The following LARGE1 variants were observed in gnomAD, a reference collection of about 807,000 sequenced individuals.
LARGE1 encodes LARGE xylosyl- and glucuronyltransferase 1.
A neutral mutation model predicts 87.6 loss-of-function variants in LARGE1; 43 were observed. That is an observed-to-expected ratio of 0.49 (90% CI 0.38 to 0.63). The LOEUF (loss-of-function observed/expected upper bound fraction) is 0.63, where lower values mean the gene tolerates loss of function less well. LARGE1 is among the 30% of genes least tolerant of loss of function. The pLI is 0.00. For missense variants in LARGE1, 802 were observed against 1,000.2 expected (o/e 0.80, Z 2.67); for synonymous variants, 434 against 394.6 (o/e 1.10, Z -1.18).
At chr22:33,084,335 A>T in the LARGE1 span, among the ~76,000 whole-genome samples, 1 of 152,034 alleles carries the variant, frequency 6.6e-6, no homozygotes, top group African/African-American at 2.4e-5. Context: ...GGTCTTATTG[A>T]TGTCTATACC....
chr22:33,785,030 T>C (rs571896229), intron 1 of LARGE1, among the ~76,000 whole-genome samples: 3 of 150,110 alleles, frequency 2.0e-5, no homozygotes, highest in Non-Finnish European at 3.0e-5. Flanking sequence ...CATATGTGTA[T>C]ATACATATAT....
At chr22:33,161,176 C>T (rs1166499244), downstream of LARGE1, among the ~76,000 whole-genome samples, 1 of 152,148 alleles carries the variant, frequency 6.6e-6, no homozygotes, top group Non-Finnish European at 1.5e-5. Flanking sequence ...TGTGAGAACT[C>T]ACTCACTACC....
chr22:33,248,260 T>A (rs1926858616), intron 11 of LARGE1, among the ~76,000 whole-genome samples: 1 of 152,212 alleles, frequency 6.6e-6, no homozygotes, highest in African/African-American at 2.4e-5. Context: ...TGTTCTCGGC[T>A]CACTGCAACC....
intron 12 of LARGE1, among the ~76,000 whole-genome samples, chr22:33,296,725 C>T (rs368936222): frequency 2.0e-5 from 3 of 152,064 alleles, no homozygotes; most frequent in African/African-American, 4.8e-5. Flanking sequence ...TGCACCACCA[C>T]GTCCAACTAA....
intron 7 of LARGE1, among the ~76,000 whole-genome samples, chr22:33,427,609 G>A (rs2066923356): frequency 6.6e-6 from 1 of 152,272 alleles, no homozygotes; most frequent in Non-Finnish European, 1.5e-5. Flanking sequence ...ATGAATGAAT[G>A]TGTAGTGAAG....
intron 1 of LARGE1, among the ~76,000 whole-genome samples, chr22:33,810,124 T>C (rs1476150645): frequency 2.0e-5 from 3 of 152,182 alleles, no homozygotes; most frequent in Non-Finnish European, 2.9e-5. Flanking sequence ...CTAACATTTA[T>C]TATGACAAAA....
intron 12 of LARGE1, among the ~76,000 whole-genome samples, chr22:33,289,439 T>A (rs1219216723): frequency 6.6e-6 from 1 of 152,130 alleles, no homozygotes; most frequent in Non-Finnish European, 1.5e-5. Flanking sequence ...CCATCTTAAA[T>A]GGAGATAATA....
At chr22:33,111,314 C>T in the LARGE1 span, among the ~76,000 whole-genome samples, 5 of 152,148 alleles carry the variant, frequency 3.3e-5, no homozygotes, top group African/African-American at 9.7e-5. Context: ...CCTTGTGAGA[C>T]TCTGACTCCG....
In LARGE1 at chr22:33,598,680, A is replaced by C. The variant is rs560354550; in HGVS notation, c.615+5755T>G. ...AGAATGATGGTTTCCAGCTTCATCC[A>C]TGTTCCTACAAAGGACATGAACTTA... On this transcript the variant is annotated intron_variant, in intron 5 of 14. Transcript: ENST00000397394. Among the ~76,000 whole-genome samples, 22 of 152,272 alleles carry C rather than the reference A, an allele frequency of 1.4e-4. No homozygotes were observed. The East Asian group carries it at 4.1e-3, about 28-fold the overall frequency.
chr22:33,351,563 A>C (rs1027549299), intron 9 of LARGE1, among the ~76,000 whole-genome samples: 3 of 152,062 alleles, frequency 2.0e-5, no homozygotes, highest in South Asian at 2.1e-4. Context: ...TATAGACATA[A>C]ATTATTTTTA....
chr22:33,540,839 T>C (rs2077170880), intron 6 of LARGE1, among the ~76,000 whole-genome samples: 1 of 151,868 alleles, frequency 6.6e-6, no homozygotes, highest in Non-Finnish European at 1.5e-5. Context: ...CCAGTTTTCC[T>C]ATAAAGTATG....
At chr22:33,083,599 A>C in the LARGE1 span, among the ~76,000 whole-genome samples, 4 of 152,238 alleles carry the variant, frequency 2.6e-5, no homozygotes, top group Non-Finnish European at 5.9e-5. Flanking sequence ...GAACCATGAA[A>C]AAATATATAA....
chr22:33,688,884 G>T (rs2082017576), intron 2 of LARGE1, among the ~76,000 whole-genome samples: 1 of 151,946 alleles, frequency 6.6e-6, no homozygotes, highest in Non-Finnish European at 1.5e-5. Context: ...TGGTCCCAGT[G>T]GGCCCACTCC....
At chr22:33,560,094 T>C (rs713703) in intron 6 of LARGE1, among the ~76,000 whole-genome samples, 75,230 of 151,960 alleles carry the variant, frequency 0.5, 18,853 homozygotes, top group African/African-American at 0.54. Context: ...GTTAGACTGT[T>C]TGGGTTCAAA....
intron 12 of LARGE1, among the ~76,000 whole-genome samples, chr22:33,293,269 C>T (rs1279015041): frequency 2.0e-5 from 3 of 152,226 alleles, no homozygotes; most frequent in Non-Finnish European, 4.4e-5. Flanking sequence ...TAAATGCTTA[C>T]ATGCATTGAG....
intron 2 of LARGE1, among the ~76,000 whole-genome samples, chr22:33,689,166 T>TCC (rs1555998614): frequency 1.6e-5 from 2 of 128,886 alleles, no homozygotes; most frequent in African/African-American, 5.3e-5. Context: ...TCTCTCTCTC[T>TCC]CCCCCCTCCT....
chr22:33,134,036 A>G, the LARGE1 span, among the ~76,000 whole-genome samples: 1 of 152,220 alleles, frequency 6.6e-6, no homozygotes, highest in Non-Finnish European at 1.5e-5. Context: ...ATGAAAATCA[A>G]AGACAATCAC....
At chr22:33,698,775 C>G (rs573376992) in intron 2 of LARGE1, among the ~76,000 whole-genome samples, 1 of 152,232 alleles carries the variant, frequency 6.6e-6, no homozygotes, top group Non-Finnish European at 1.5e-5. Flanking sequence ...GAACTTCACA[C>G]TTGCAATGTC....
At chr22:33,740,874 C>T (rs549848926) in intron 2 of LARGE1, among the ~76,000 whole-genome samples, 1 of 152,334 alleles carries the variant, frequency 6.6e-6, no homozygotes, top group South Asian at 2.1e-4. Flanking sequence ...GAATTTTCAA[C>T]TCAAATATGC....
Sources: gnomAD v4.1 joint callset for allele counts (sites outside exome capture counted in the v4.1 genomes callset) on GRCh38, gnomAD v4.1.1 for gene constraint, MANE v1.5 for transcripts, NCBI Gene and HGNC (gene_info 2026-07-23, HGNC 2026-07-21) for gene names.